The following TRPM3 variants were observed in gnomAD, a reference collection of about 807,000 sequenced individuals.
TRPM3 encodes the protein long transient receptor potential channel 3.
In TRPM3, 77 loss-of-function variants were observed where a neutral mutation model predicts 181.2. The observed-to-expected ratio is 0.42, with a 90% confidence interval of 0.35 to 0.51. TRPM3 has a LOEUF of 0.51. Among genes scored for constraint, TRPM3 ranks in the 20% least tolerant of loss-of-function variants. The pLI is 0.01. For synonymous variants in TRPM3, 745 were observed against 796.4 expected, an observed-to-expected ratio of 0.94 and a Z score of 1.09; for missense variants, 1,759 against 2,196.7, an observed-to-expected ratio of 0.80 and a Z score of 3.98.
At chr9:71,367,377 G>C (rs751918926) in intron 1 of TRPM3, among the ~76,000 whole-genome samples, 4 of 152,148 alleles carry the variant, frequency 2.6e-5, no homozygotes, top group Non-Finnish European at 4.4e-5. Flanking sequence ...CTTCAGGAGA[G>C]CTCAATGAGT....
At chr9:70,758,994 A>G (rs1388272429) in intron 8 of TRPM3, among the ~76,000 whole-genome samples, 1 of 152,256 alleles carries the variant, frequency 6.6e-6, no homozygotes, top group Non-Finnish European at 1.5e-5. Flanking sequence ...ATCTAATCAA[A>G]CTAAAGAGCT....
chr9:70,960,208 C>T (rs539847156), intron 1 of TRPM3, among the ~76,000 whole-genome samples: 5 of 151,704 alleles, frequency 3.3e-5, no homozygotes, highest in South Asian at 2.1e-4. Context: ...ACTTACTGTA[C>T]GTGAACACTC....
intron 1 of TRPM3, among the ~76,000 whole-genome samples, chr9:70,969,756 T>TTATATATATACATATATATATATA (rs2097220392): frequency 7.9e-6 from 1 of 126,590 alleles, no homozygotes; most frequent in Non-Finnish European, 1.7e-5. Context: ...CTGAATGATT[T>TTATATATATACATATATATATATA]TATATATATA....
At chr9:71,026,273 C>T (rs1044062745) in intron 1 of TRPM3, among the ~76,000 whole-genome samples, 1 of 152,124 alleles carries the variant, frequency 6.6e-6, no homozygotes, top group Admixed American at 6.5e-5. Context: ...CTGACCTGAG[C>T]GCCCCTCCAT....
chr9:70,798,528 C>T (rs2087875660), intron 6 of TRPM3, among the ~76,000 whole-genome samples: 1 of 151,986 alleles, frequency 6.6e-6, no homozygotes, highest in Admixed American at 6.6e-5. Context: ...TGTATTCTGC[C>T]TTGCTTTAAG....
At chr9:70,831,401 T>G (rs2093888471) in intron 5 of TRPM3, among the ~76,000 whole-genome samples, 1 of 151,932 alleles carries the variant, frequency 6.6e-6, no homozygotes, top group Admixed American at 6.6e-5. Flanking sequence ...TTTTTTTTTT[T>G]TTTTGGAATT....
chr9:71,351,870 G>GTTTTTTTTTT (rs1398031517), intron 1 of TRPM3, among the ~76,000 whole-genome samples: 2 of 95,656 alleles, frequency 2.1e-5, no homozygotes, highest in African/African-American at 4.0e-5. Context: ...TTGTTTGTTT[G>GTTTTTTTTTT]TTTTTGTTTT....
rs775847227 is a variant in TRPM3 at position 70,535,959 on chromosome 9, G to A, written c.5154C>T (p.His1718=). The change falls in exon 26 of 26, where the codon CAC becomes CAT. Residue 1718 remains histidine, a synonymous_variant. Coordinates refer to ENST00000677713, the MANE Select transcript of TRPM3 (RefSeq NM_001366145.2). ...TGGCGGATATTAAGAAGGTTTAGTT[G>A]TGCTTGCTTTCAAAGCTTTGGAAAG... ...TSAFQSFESK[H]N is the part of the protein sequence containing the mutation. 13 of 1,593,294 alleles carry A rather than the reference G, an allele frequency of 8.2e-6. No homozygotes were observed. The East Asian group carries it at 2.9e-4, about 36-fold the overall frequency.
In TRPM3 at chr9:70,853,246, C is replaced by T. The variant is rs73467858; in HGVS notation, c.463-6655G>A. On this transcript the variant is annotated intron_variant, in intron 3 of 25. Transcript: ENST00000677713. ...TGGAATATCAGAGCTAGTTATTCAA[C>T]AATCCTTTAATTCATTATTGAAGCT... is the stretch of plus-strand genomic sequence containing the variant. Among the ~76,000 whole-genome samples the T allele has an allele frequency of 5.1e-3, 780 of 152,300 alleles. 9 individuals carry two copies. The highest frequency in any genetic ancestry group is 0.018 in the African/African-American group (735 of 41,568).
At chr9:71,280,736 C>T (rs1437044340) in intron 1 of TRPM3, among the ~76,000 whole-genome samples, 1 of 152,124 alleles carries the variant, frequency 6.6e-6, no homozygotes, top group Non-Finnish European at 1.5e-5. Context: ...AGGGTCTTTG[C>T]ACATGGGGTT....
intron 1 of TRPM3, among the ~76,000 whole-genome samples, chr9:71,349,979 ATATATATATATATATATATATATG>A (rs1349416982): frequency 2.8e-5 from 1 of 35,214 alleles, no homozygotes; most frequent in Non-Finnish European, 7.8e-5. Context: ...ATATATATAT[ATATATATATATATATATATATATG>A]GGCCTAAAAA....
At chr9:71,019,233 G>C (rs1013578268) in intron 1 of TRPM3, among the ~76,000 whole-genome samples, 3 of 151,744 alleles carry the variant, frequency 2.0e-5, no homozygotes, top group African/African-American at 4.8e-5. Context: ...CACCACTTTT[G>C]TTCAATATTT....
At chr9:70,752,000 G>GTGTGTATA (rs199933344) in intron 8 of TRPM3, among the ~76,000 whole-genome samples, 1 of 61,654 alleles carries the variant, frequency 1.6e-5, no homozygotes, top group South Asian at 6.4e-4. Context: ...CATCTCAACA[G>GTGTGTATA]TGTGTGTGTG....
In TRPM3 at chr9:70,909,935, CT is replaced by C. The variant is rs2096521258; in HGVS notation, c.178-45425del. On this transcript the variant is annotated intron_variant, in intron 1 of 25. Transcript: ENST00000677713. The stretch of plus-strand genomic sequence containing the variant: ...TATTGATAAGGAAGAGGGACTGAAA[CT>C]TTTAAATACAGAGTGGAGTGTAAAT... Among the ~76,000 whole-genome samples the C allele has an allele frequency of 9.9e-5, 15 of 152,242 alleles. No homozygotes were observed. In the South Asian group the frequency reaches 3.1e-3, roughly 32 times the overall value.
chr9:71,019,452 A>C (rs2097822822), intron 1 of TRPM3, among the ~76,000 whole-genome samples: 1 of 152,114 alleles, frequency 6.6e-6, no homozygotes, highest in Non-Finnish European at 1.5e-5. Context: ...GTATATCATC[A>C]ATTACTGAGT....
intron 1 of TRPM3, among the ~76,000 whole-genome samples, chr9:71,310,976 T>A (rs1225201025): frequency 1.3e-5 from 2 of 152,180 alleles, no homozygotes; most frequent in African/African-American, 2.4e-5. Flanking sequence ...AATCTGTTCC[T>A]TAACTTTCAG....
At position 71,265,740 on chromosome 9, in the gene TRPM3, C is replaced by T. The variant is rs2083348586; in HGVS notation, c.183+180913G>A. ...AAAATACCCTTAAAATTAACACCAG[C>T]AATATCTATTGTATGTTTACATTTT... On this transcript the variant is annotated intron_variant, in intron 1 of 24. Coordinates refer to the TRPM3 transcript ENST00000357533. 3.9e-5 allele frequency among the ~76,000 whole-genome samples: 6 copies of T among 152,216 alleles called. 1 individual carries two copies. In the South Asian group the frequency reaches 1.2e-3, roughly 31 times the overall value.
intron 1 of TRPM3, among the ~76,000 whole-genome samples, chr9:71,062,375 A>T (rs1019084530): frequency 6.6e-6 from 1 of 152,076 alleles, no homozygotes; most frequent in African/African-American, 2.4e-5. Context: ...TGGTCTAAAT[A>T]CCCTCCTTTC....
intron 6 of TRPM3, chr9:70,811,106 G>C (rs1349028762): frequency 5.5e-6 from 7 of 1,283,212 alleles, no homozygotes; most frequent in Non-Finnish European, 7.7e-6. Flanking sequence ...AGGAAATGAA[G>C]ACTTCTGTGG....
Sources: gnomAD v4.1 joint callset for allele counts (sites outside exome capture counted in the v4.1 genomes callset) on GRCh38, gnomAD v4.1.1 for gene constraint, MANE v1.5 for transcripts, NCBI Gene and HGNC (gene_info 2026-07-23, HGNC 2026-07-21) for gene names.